Variants in CSF1R observed in about 807,000 individuals in gnomAD.
CSF1R encodes macrophage colony-stimulating factor 1 receptor.
CSF1R carries 40 observed loss-of-function variants against 110.0 expected under a neutral mutation model. The ratio of observed to expected loss-of-function variants is 0.36; its 90% confidence interval spans 0.28 to 0.47. The LOEUF (loss-of-function observed/expected upper bound fraction) is 0.47, where lower values mean the gene tolerates loss of function less well. CSF1R is among the 20% of genes least tolerant of loss of function. The pLI is 0.99. For missense variants in CSF1R, 1,052 were observed against 1,253.0 expected (o/e 0.84, Z 2.42); for synonymous variants, 523 against 503.4 (o/e 1.04, Z -0.52).
rs1398547212 is a variant in CSF1R, at chr5:150,061,590, T to A, written c.1759A>T (p.Thr587Ser). Residue 587 changes from threonine (T) to serine (S), a missense_variant, in exon 12 of 21, where the codon ACC becomes TCC. Transcript: ENST00000675795. ...FPRNNLQFGK[T>S]LGAGAFGKVV... ...TTCCCAAAGGCTCCAGCTCCGAGGG[T>A]CTTACCTGCCACGCACACAGGTCCC... The A allele has an allele frequency of 6.2e-7, 1 of 1,613,698 alleles. No individual in the cohort carries two copies. Among genetic ancestry groups the A allele is most frequent in the East Asian group, 2.2e-5 (1 of 44,854 alleles).
intron 13 of CSF1R, 34 bp from the exon 14 acceptor site, chr5:150,059,896 G>A (rs1757426009): frequency 6.3e-7 from 1 of 1,585,502 alleles, no homozygotes; most frequent in African/African-American, 1.3e-5. Context: ...TGAGGGAGGT[G>A]CTGAGTGCTC....
upstream of CSF1R, among the ~76,000 whole-genome samples, chr5:150,091,054 C>T (rs1231808397): frequency 2.0e-5 from 3 of 152,082 alleles, no homozygotes; most frequent in South Asian, 4.1e-4. Context: ...TATCATTAGT[C>T]ATTAGGGAAG....
intron 10 of CSF1R, among the ~76,000 whole-genome samples, chr5:150,064,119 A>G (rs1686020317): frequency 6.6e-6 from 1 of 152,182 alleles, no homozygotes; most frequent in Non-Finnish European, 1.5e-5. Context: ...GCATGGGCAT[A>G]AAGATGGCAC....
Position 150,053,495 on chromosome 5 carries a change from T to C in CSF1R, c.*574A>G, listed in dbSNP as rs901737457. 10 of 238,606 alleles carry C rather than the reference T, an allele frequency of 4.2e-5. No homozygotes were observed. The highest frequency in any genetic ancestry group is 7.4e-5 in the Non-Finnish European group (9 of 120,952). The allele number at this position is 238,606 out of a possible 1,614,324, so 14.8% of individuals were successfully genotyped here. On this transcript the variant is annotated 3_prime_UTR_variant, in exon 21 of 21. Coordinates refer to ENST00000675795, the MANE Select transcript of CSF1R (RefSeq NM_001288705.3). ...GCTGCCACTTGGCTCATTACAGCAG[T>C]ACCAGTATGGGGGTGGGAGGGGTGA...
At chr5:150,059,989 CTG>C (rs375306051) in intron 13 of CSF1R, 127 bp from the exon 14 acceptor site, 2 of 1,091,954 alleles carry the variant, frequency 1.8e-6, no homozygotes, top group African/African-American at 3.1e-5. Flanking sequence ...AACCTCGGCT[CTG>C]TGAGCAAGTT....
chr5:150,105,361 A>T (rs149762344), intron 1 of CSF1R, among the ~76,000 whole-genome samples: 16,138 of 91,948 alleles, frequency 0.18, 973 homozygotes, highest in East Asian at 0.21. Context: ...AAAAAAAAAA[A>T]AAATATATAT....
Position 150,055,351 on chromosome 5 carries a change from A to G in CSF1R, c.2555-15T>C. 6.2e-7 allele frequency: 1 copy of G among 1,609,994 alleles called. No individual in the cohort carries two copies. The highest frequency in any genetic ancestry group is 8.5e-7 in the Non-Finnish European group (1 of 1,176,230). ...GGGATTCAGCCCTGCAAAGGCCAAGATCAGGTAAGAGGCCATGCCCATTGT... is the reference window on the plus strand; with the variant it reads ...GGGATTCAGCCCTGCAAAGGCCAAGGTCAGGTAAGAGGCCATGCCCATTGT... On this transcript the variant is annotated splice_polypyrimidine_tract_variant and intron_variant, in intron 18 of 20. Transcript: ENST00000675795.
Position 150,083,234 on chromosome 5 carries a change from C to A in CSF1R, c.50-2210G>T, listed in dbSNP as rs558155050. ...GTGCCTGTCCATTCTTCCCCCCTCTCATCTCCACTCCCCAATTCTCCCCAT... is the reference window on the plus strand; with the variant it reads ...GTGCCTGTCCATTCTTCCCCCCTCTAATCTCCACTCCCCAATTCTCCCCAT... On this transcript the variant is annotated intron_variant, in intron 1 of 20. Transcript: ENST00000675795. Among the ~76,000 whole-genome samples, 9 of 151,524 alleles carry A rather than the reference C, an allele frequency of 5.9e-5. No individual in the cohort carries two copies. The East Asian group carries it at 1.8e-3, about 30-fold the overall frequency.
chr5:150,090,472 C>T (rs189847681), upstream of CSF1R, among the ~76,000 whole-genome samples: 2 of 152,314 alleles, frequency 1.3e-5, no homozygotes, highest in African/African-American at 4.8e-5. Flanking sequence ...CACCAAACAA[C>T]CACGGATCTG....
At chr5:150,106,415 C>T (rs1030182047) in intron 1 of CSF1R, among the ~76,000 whole-genome samples, 1 of 152,192 alleles carries the variant, frequency 6.6e-6, no homozygotes, top group Non-Finnish European at 1.5e-5. Context: ...CCCCCACCCT[C>T]CTGCCCAGTT....
chr5:150,105,386 T>A (rs201785922), intron 1 of CSF1R, among the ~76,000 whole-genome samples: 5,734 of 47,688 alleles, frequency 0.12, 122 homozygotes, highest in East Asian at 0.18. Flanking sequence ...ATATATATAT[T>A]TTTTTTTTTT....
At chr5:150,066,571 C>A (rs1224900007) in intron 10 of CSF1R, among the ~76,000 whole-genome samples, 1 of 152,194 alleles carries the variant, frequency 6.6e-6, no homozygotes, top group Non-Finnish European at 1.5e-5. Flanking sequence ...AGTGTCAGAG[C>A]TGGACCTAGA....
chr5:150,062,842 ACCATCAG>A (rs1435239938), intron 10 of CSF1R, among the ~76,000 whole-genome samples: 1 of 152,192 alleles, frequency 6.6e-6, no homozygotes, highest in Non-Finnish European at 1.5e-5. Flanking sequence ...CCACCATGTG[ACCATCAG>A]AGGAAGAATT....
At position 150,053,869 on chromosome 5, in the gene CSF1R, C is replaced by G. The variant is rs777286152; in HGVS notation, c.*200G>C. ...TGAGGGCTCAGCCCCCAGCCCCTGA[C>G]TGGCAGTGATGGCCCATGCTCAGGA... is the stretch of plus-strand genomic sequence containing the variant. On this transcript the variant is annotated 3_prime_UTR_variant, in exon 21 of 21. Coordinates refer to ENST00000675795, the MANE Select transcript of CSF1R (RefSeq NM_001288705.3). 29 of 615,090 alleles carry G rather than the reference C, an allele frequency of 4.7e-5. No individual in the cohort carries two copies. The highest frequency in any genetic ancestry group is 1.4e-4 in the Admixed American group (5 of 35,926). 38.1% of individuals were successfully genotyped at this position (615,090 alleles called of 1,614,324 possible).
chr5:150,112,313 G>A (rs1759744575), intron 1 of CSF1R, among the ~76,000 whole-genome samples: 1 of 152,250 alleles, frequency 6.6e-6, no homozygotes, highest in South Asian at 2.1e-4. Context: ...TCAGGTCACT[G>A]GGCTTTTGGG....
At chr5:150,076,028 AGCCTGCT>A (rs576310645) in intron 5 of CSF1R, among the ~76,000 whole-genome samples, 130 of 152,350 alleles carry the variant, frequency 8.5e-4, no homozygotes, top group African/African-American at 2.9e-3. Flanking sequence ...AATGTCTCAG[AGCCTGCT>A]CCCACTCCGA....
chr5:150,104,290 G>C (rs1759485104), intron 1 of CSF1R, among the ~76,000 whole-genome samples: 1 of 152,248 alleles, frequency 6.6e-6, no homozygotes, highest in Admixed American at 6.5e-5. Flanking sequence ...GGAGGCTACA[G>C]TAGTCCTGAG....
At chr5:150,061,389 A>T in intron 12 of CSF1R, 102 bp downstream of exon 12, 1 of 1,048,872 alleles carries the variant, frequency 9.5e-7, no homozygotes, top group Non-Finnish European at 1.4e-6. Flanking sequence ...CCCAGGCTTC[A>T]ACAGGTTGAA....
intron 5 of CSF1R, among the ~76,000 whole-genome samples, 198 bp from the exon 6 acceptor site, chr5:150,073,691 C>A (rs1002024418): frequency 6.6e-6 from 1 of 152,220 alleles, no homozygotes; most frequent in African/African-American, 2.4e-5. Context: ...ACTTTTCTCA[C>A]TGAAGCCCTA....
Sources: gnomAD v4.1 joint callset for allele counts (sites outside exome capture counted in the v4.1 genomes callset) on GRCh38, gnomAD v4.1.1 for gene constraint, MANE v1.5 for transcripts, NCBI Gene and HGNC (gene_info 2026-07-23, HGNC 2026-07-21) for gene names.